The following ASXL3 variants were observed in gnomAD, a reference collection of about 807,000 sequenced individuals.
ASXL3 encodes ASXL transcriptional regulator 3.
A neutral mutation model predicts 170.6 loss-of-function variants in ASXL3; 34 were observed. The observed-to-expected ratio is 0.20, with a 90% CI of 0.15 to 0.27. ASXL3 has a LOEUF of 0.27. Among genes scored for constraint, ASXL3 ranks in the 10% least tolerant of loss-of-function variants. The pLI is 1.00. For missense variants in ASXL3, 2,592 were observed against 2,695.3 expected (o/e 0.96, Z 0.85); for synonymous variants, 1,002 against 989.1 (o/e 1.01, Z -0.24).
intron 8 of ASXL3, among the ~76,000 whole-genome samples, chr18:33,729,271 G>A (rs1444516546): frequency 1.5e-4 from 23 of 152,164 alleles, no homozygotes; most frequent in Admixed American, 1.5e-3. Context: ...TGTTCCACAG[G>A]AGGACAGCAG....
At chr18:33,677,960 G>C (rs897842062) in intron 7 of ASXL3, among the ~76,000 whole-genome samples, 1 of 152,126 alleles carries the variant, frequency 6.6e-6, no homozygotes, top group African/African-American at 2.4e-5. Flanking sequence ...TACCATCATA[G>C]CTCACTGCAG....
chr18:33,705,050 A>G (rs923207880), intron 8 of ASXL3, among the ~76,000 whole-genome samples: 1 of 151,832 alleles, frequency 6.6e-6, no homozygotes, highest in East Asian at 1.9e-4. Flanking sequence ...TGAATAAGCT[A>G]TTATTAATAT....
intron 9 of ASXL3, among the ~76,000 whole-genome samples, chr18:33,732,948 T>C (rs1410529324): frequency 6.6e-6 from 1 of 152,144 alleles, no homozygotes; most frequent in African/African-American, 2.4e-5. Context: ...CAATATCTCA[T>C]TTGTTTTTTC....
chr18:33,596,901 C>T (rs758041117), intron 1 of ASXL3, among the ~76,000 whole-genome samples: 5 of 152,112 alleles, frequency 3.3e-5, no homozygotes, highest in Non-Finnish European at 5.9e-5. Context: ...CTGCAATCTC[C>T]ACCTCTCAGA....
chr18:33,719,279 C>G (rs928460077), intron 8 of ASXL3, among the ~76,000 whole-genome samples: 5 of 151,940 alleles, frequency 3.3e-5, no homozygotes, highest in African/African-American at 9.7e-5. Context: ...TCCTGCCCTT[C>G]CTTCACATAC....
chr18:33,607,679 C>T lies in ASXL3; in HGVS notation c.137+3C>T. ...AAAGAAGGGTTAAAAGAAACAAGGT[C>T]AGTATCCATATTTAAAACATTTTCT... On this transcript the variant is annotated splice_donor_region_variant and intron_variant, in intron 2 of 11. Coordinates refer to ENST00000269197, the MANE Select transcript of ASXL3 (RefSeq NM_030632.3). The T allele has an allele frequency of 6.4e-7, 1 of 1,563,850 alleles. No individual in the cohort carries two copies. The highest frequency in any genetic ancestry group is 8.7e-7 in the Non-Finnish European group (1 of 1,151,436).
chr18:33,704,731 G>A (rs1040317995), intron 8 of ASXL3, among the ~76,000 whole-genome samples: 9 of 151,986 alleles, frequency 5.9e-5, no homozygotes, highest in Non-Finnish European at 1.2e-4. Flanking sequence ...TGTTAAGCCT[G>A]TACAGATTCG....
chr18:33,735,254 G>GGAAAA (rs988954212), intron 10 of ASXL3, among the ~76,000 whole-genome samples: 4 of 152,210 alleles, frequency 2.6e-5, no homozygotes, highest in Admixed American at 2.6e-4. Context: ...TTGTAAATGG[G>GGAAAA]GAAAAGAAAG....
chr18:33,741,837 T>TCAA (rs1433115792), intron 11 of ASXL3, among the ~76,000 whole-genome samples: 1 of 152,190 alleles, frequency 6.6e-6, no homozygotes, highest in Non-Finnish European at 1.5e-5. Context: ...CTCAGTTTCC[T>TCAA]CAACTGTGAA....
At chr18:33,696,324 A>G (rs1001673076) in intron 8 of ASXL3, among the ~76,000 whole-genome samples, 1 of 152,172 alleles carries the variant, frequency 6.6e-6, no homozygotes, top group Non-Finnish European at 1.5e-5. Context: ...CAACAGTGTA[A>G]TGACGTTTGA....
At chr18:33,731,605 A>G (rs1326795466) in intron 8 of ASXL3, among the ~76,000 whole-genome samples, 4 of 152,106 alleles carry the variant, frequency 2.6e-5, no homozygotes, top group African/African-American at 9.7e-5. Flanking sequence ...AATGCTTGAC[A>G]TTGTTTAACT....
At chr18:33,720,693 T>C (rs977648403) in intron 8 of ASXL3, among the ~76,000 whole-genome samples, 4 of 152,070 alleles carry the variant, frequency 2.6e-5, no homozygotes, top group Admixed American at 2.6e-4. Flanking sequence ...CACCAAACCC[T>C]TCTCTAATTG....
Position 33,739,162 on chromosome 18 carries a change from A to G in ASXL3, c.1758A>G (p.Glu586=). 6.2e-7 allele frequency: 1 copy of G among 1,613,796 alleles called. No individual in the cohort carries two copies. Among genetic ancestry groups the G allele is most frequent in the Non-Finnish European group, 8.5e-7 (1 of 1,179,820 alleles). The part of the protein sequence containing the change: ...SSSLEGQFPN[E]GIAIDMELQS... ...CTCTAGAAGGCCAGTTTCCAAATGA[A>G]GGAATTGCTATAGATATGGAGCTAC... Residue 586 remains glutamate, a synonymous_variant, in exon 11 of 12, where the codon GAA becomes GAG. Transcript: ENST00000269197.
At chr18:33,689,293 C>T (rs2066650505) in intron 8 of ASXL3, among the ~76,000 whole-genome samples, 1 of 152,158 alleles carries the variant, frequency 6.6e-6, no homozygotes, top group Admixed American at 6.5e-5. Context: ...CGCGCTCAGC[C>T]AAAAGGTGTA....
chr18:33,600,786 GTCTTTCA>G (rs2065176093), intron 1 of ASXL3, among the ~76,000 whole-genome samples: 3 of 152,006 alleles, frequency 2.0e-5, no homozygotes, highest in African/African-American at 7.3e-5. Context: ...CAAAAACCAT[GTCTTTCA>G]GCTGTGCTCA....
intron 3 of ASXL3, 59 bp from the exon 4 acceptor site, chr18:33,646,186 A>C (rs887453037): frequency 2.3e-6 from 3 of 1,308,210 alleles, no homozygotes; most frequent in Admixed American, 3.5e-5. Flanking sequence ...AAGTATTTTG[A>C]ATGTTTTTAG....
chr18:33,708,407 A>G (rs887843161), intron 8 of ASXL3, among the ~76,000 whole-genome samples: 3 of 152,230 alleles, frequency 2.0e-5, no homozygotes, highest in African/African-American at 7.2e-5. Context: ...AAACTTTGAC[A>G]TATAAACACA....
rs531964874 is a variant in ASXL3 at position 33,744,176 on chromosome 18, C to G, written c.4328C>G (p.Pro1443Arg). The change falls in exon 12 of 12, where the codon CCT (proline) becomes CGT (arginine). Residue 1443 changes from proline to arginine, a missense_variant. Around this residue, in one of 4 missense-constraint regions of ASXL3, gnomAD observed 2,246 missense variants for 2,219.6 expected, o/e 1.01. Transcript: ENST00000269197. Reference sequence around the variant, plus strand: ...GAAAGCTTGGACAAAAATTCAGGGCCTCGAAACAGGGCAGATAATTCTGGA... The same window carrying G: ...GAAAGCTTGGACAAAAATTCAGGGCGTCGAAACAGGGCAGATAATTCTGGA... The part of the protein sequence containing the change: ...SAESLDKNSG[P>R]RNRADNSGKP... The G allele has an allele frequency of 6.2e-7, 1 of 1,613,844 alleles. No homozygotes were observed. The highest frequency in any genetic ancestry group is 8.5e-7 in the Non-Finnish European group (1 of 1,179,892).
chr18:33,699,485 A>C (rs2066832932), intron 8 of ASXL3, among the ~76,000 whole-genome samples: 3 of 152,164 alleles, frequency 2.0e-5, no homozygotes, highest in Admixed American at 2.0e-4. Flanking sequence ...GAGATTATTG[A>C]GTATTACTCA....
Sources: allele counts gnomAD v4.1 joint callset (sites outside exome capture counted in the v4.1 genomes callset), GRCh38; gene constraint gnomAD v4.1.1; regional missense constraint gnomAD v4.1.1; transcripts MANE v1.5; gene names NCBI Gene and HGNC (gene_info 2026-07-23, HGNC 2026-07-21).